Variants in KCNT2 observed in about 807,000 individuals in gnomAD.
KCNT2 encodes potassium sodium-activated channel subfamily T member 2.
A neutral mutation model predicts 153.8 loss-of-function variants in KCNT2; 67 were observed. The ratio of observed to expected loss-of-function variants is 0.44; its 90% CI spans 0.36 to 0.53. KCNT2 has a LOEUF of 0.53. KCNT2 is among the 20% of genes least tolerant of loss of function. The pLI, the probability that KCNT2 is intolerant of heterozygous loss-of-function variation, is 0.00. For synonymous variants in KCNT2, 500 were observed against 458.8 expected, an observed-to-expected ratio of 1.09 and a Z score of -1.15; for missense variants, 975 against 1,354.8, an observed-to-expected ratio of 0.72 and a Z score of 4.40.
At chr1:196,282,941 T>C (rs1297860021) in intron 23 of KCNT2, among the ~76,000 whole-genome samples, 3 of 151,920 alleles carry the variant, frequency 2.0e-5, no homozygotes, top group African/African-American at 7.2e-5. Flanking sequence ...GCCTCCCGGG[T>C]TCAAGTGATT....
At chr1:196,526,703 G>A (rs1244856144) in intron 1 of KCNT2, among the ~76,000 whole-genome samples, 1 of 152,092 alleles carries the variant, frequency 6.6e-6, no homozygotes, top group South Asian at 2.1e-4. Flanking sequence ...TGCCCACCTC[G>A]GCCTCCTAAA....
chr1:196,470,918 C>T (rs1678045878), intron 5 of KCNT2, among the ~76,000 whole-genome samples: 1 of 145,970 alleles, frequency 6.9e-6, no homozygotes, highest in South Asian at 2.2e-4. Flanking sequence ...CTCGCTCTGT[C>T]ACCCAGGCTG....
chr1:196,426,997 A>G (rs1384041577), intron 10 of KCNT2, among the ~76,000 whole-genome samples: 1 of 151,952 alleles, frequency 6.6e-6, no homozygotes, highest in Non-Finnish European at 1.5e-5. Context: ...AGCCAATTAA[A>G]TCTCTTTTCT....
chr1:196,581,945 T>C (rs1662107299), intron 1 of KCNT2, among the ~76,000 whole-genome samples: 2 of 152,120 alleles, frequency 1.3e-5, no homozygotes, highest in African/African-American at 4.8e-5. Context: ...GAAAATTATG[T>C]CTTTCATAAG....
intron 8 of KCNT2, among the ~76,000 whole-genome samples, chr1:196,431,123 C>T (rs10922066): frequency 0.27 from 41,218 of 152,026 alleles, 5,989 homozygotes; most frequent in East Asian, 0.34. Flanking sequence ...AAGGCTCTCA[C>T]CAGATACCAA....
At chr1:196,229,353 C>T (rs1653750261) in intron 27 of KCNT2, among the ~76,000 whole-genome samples, 1 of 152,032 alleles carries the variant, frequency 6.6e-6, no homozygotes, top group South Asian at 2.1e-4. Context: ...TGGGATACCA[C>T]TATCCGCACC....
chr1:196,501,286 C>T (rs1161252077), intron 1 of KCNT2, among the ~76,000 whole-genome samples: 2 of 151,886 alleles, frequency 1.3e-5, no homozygotes, highest in African/African-American at 2.4e-5. Flanking sequence ...CTACCAATAG[C>T]AAAGATATGG....
chr1:196,387,832 T>C (rs762341792), intron 13 of KCNT2, among the ~76,000 whole-genome samples: 17 of 151,906 alleles, frequency 1.1e-4, no homozygotes, highest in Non-Finnish European at 1.6e-4. Context: ...ATCAGATATA[T>C]TCATTGTGAA....
At chr1:196,412,835 T>C (rs1672452197) in intron 12 of KCNT2, among the ~76,000 whole-genome samples, 1 of 151,710 alleles carries the variant, frequency 6.6e-6, no homozygotes, top group South Asian at 2.1e-4. Context: ...AATCAATAAA[T>C]AATGGCAGAC....
At chr1:196,431,423 G>A (rs75232102) in intron 8 of KCNT2, among the ~76,000 whole-genome samples, 1 of 152,074 alleles carries the variant, frequency 6.6e-6, no homozygotes, top group Non-Finnish European at 1.5e-5. Context: ...AAGAAGAGGA[G>A]AGTAGAGAGA....
intron 22 of KCNT2, among the ~76,000 whole-genome samples, chr1:196,297,447 G>A (rs1392094449): frequency 6.6e-6 from 1 of 152,136 alleles, no homozygotes; most frequent in African/African-American, 2.4e-5. Context: ...TGAAGTGAAT[G>A]TATGCACTGC....
At chr1:196,602,960 G>T (rs1377460826) in intron 1 of KCNT2, among the ~76,000 whole-genome samples, 4 of 150,128 alleles carry the variant, frequency 2.7e-5, no homozygotes, top group Non-Finnish European at 4.4e-5. Flanking sequence ...CTAATTTTTT[G>T]TATTTTTAGT....
In KCNT2 at chr1:196,357,723, G is replaced by A. The variant is rs530008148; in HGVS notation, c.1403+15417C>T. ...GTTCTGGGGGCTTTTAGAGGCCAAA[G>A]CTCCTTTATCTGGTTAGTTGCTTGG... On this transcript the variant is annotated intron_variant, in intron 14 of 27. Coordinates refer to ENST00000294725, the MANE Select transcript of KCNT2 (RefSeq NM_198503.5). Among the ~76,000 whole-genome samples, 3 of 151,942 alleles carry A rather than the reference G, an allele frequency of 2.0e-5. No individual in the cohort carries two copies. In the South Asian group the frequency reaches 6.2e-4, roughly 31 times the overall value.
At chr1:196,262,070 A>G (rs555459521) in intron 25 of KCNT2, among the ~76,000 whole-genome samples, 16 of 151,916 alleles carry the variant, frequency 1.1e-4, no homozygotes, top group Non-Finnish European at 1.6e-4. Flanking sequence ...TCTTCACATG[A>G]ATAATAATTA....
At chr1:196,385,969 A>C (rs1035467840) in intron 13 of KCNT2, among the ~76,000 whole-genome samples, 3 of 152,102 alleles carry the variant, frequency 2.0e-5, no homozygotes, top group Non-Finnish European at 4.4e-5. Context: ...GCAGAATAAC[A>C]AAGTGTGATA....
chr1:196,372,824 G>A (rs1372066289), intron 14 of KCNT2, among the ~76,000 whole-genome samples: 1 of 151,840 alleles, frequency 6.6e-6, no homozygotes, highest in Non-Finnish European at 1.5e-5. Context: ...TGCTGCAGAA[G>A]TATTCATCTT....
At chr1:196,387,676 TC>T (rs1315263083) in intron 13 of KCNT2, among the ~76,000 whole-genome samples, 3 of 151,972 alleles carry the variant, frequency 2.0e-5, no homozygotes, top group African/African-American at 7.2e-5. Flanking sequence ...ATATTGACAA[TC>T]TTTTCATATG....
At position 196,461,239 on chromosome 1, in the gene KCNT2, A is replaced by T. The variant is rs1677124626; in HGVS notation, c.638+4054T>A. On this transcript the variant is annotated intron_variant, in intron 8 of 27. Coordinates refer to ENST00000294725, the MANE Select transcript of KCNT2 (RefSeq NM_198503.5). ...TAGGTTTTAATCGATGCATAGGAAC[A>T]TTCCAAGTACTTTTGAATTAAGCAT... Among the ~76,000 whole-genome samples, 3 of 151,766 alleles carry T rather than the reference A, an allele frequency of 2.0e-5. No individual in the cohort carries two copies. The South Asian group carries it at 6.2e-4, about 31-fold the overall frequency.
At chr1:196,533,175 C>G (rs1466830322) in intron 1 of KCNT2, among the ~76,000 whole-genome samples, 3 of 152,084 alleles carry the variant, frequency 2.0e-5, no homozygotes, top group Non-Finnish European at 4.4e-5. Flanking sequence ...CTTGCACCTA[C>G]TAATATCTTT....
Sources: gnomAD v4.1 joint callset for allele counts (sites outside exome capture counted in the v4.1 genomes callset) on GRCh38, gnomAD v4.1.1 for gene constraint, MANE v1.5 for transcripts, NCBI Gene and HGNC (gene_info 2026-07-23, HGNC 2026-07-21) for gene names.